Variants in TSC22D1 observed in about 807,000 individuals in gnomAD.
The protein encoded by TSC22D1 is TSC22 domain family protein 1.
In TSC22D1, 9 loss-of-function variants were observed where a neutral mutation model predicts 74.2. The observed-to-expected ratio is 0.12, with a 90% CI of 0.07 to 0.21. TSC22D1 has a LOEUF of 0.21. TSC22D1 is among the 10% of genes least tolerant of loss of function. TSC22D1 has a pLI of 1.00. For synonymous variants in TSC22D1, 586 were observed against 492.5 expected, an observed-to-expected ratio of 1.19 and a Z score of -2.51; for missense variants, 1,427 against 1,304.7, an observed-to-expected ratio of 1.09 and a Z score of -1.44.
intron 1 of TSC22D1, among the ~76,000 whole-genome samples, chr13:44,464,154 T>C (rs1300821124): frequency 6.6e-6 from 1 of 152,236 alleles, no homozygotes; most frequent in Non-Finnish European, 1.5e-5. Context: ...CACTGAATTT[T>C]AGGGTAACTT....
chr13:44,561,855 A>G (rs189245282), intron 1 of TSC22D1, among the ~76,000 whole-genome samples: 12 of 152,224 alleles, frequency 7.9e-5, no homozygotes, highest in African/African-American at 2.9e-4. Flanking sequence ...TACAGGAGTA[A>G]TAGAAGGAAT....
At chr13:44,523,714 A>T (rs1001023364) in intron 1 of TSC22D1, among the ~76,000 whole-genome samples, 1 of 152,162 alleles carries the variant, frequency 6.6e-6, no homozygotes, top group African/African-American at 2.4e-5. Flanking sequence ...GACAACCAGA[A>T]TGGAATAGAT....
chr13:44,574,398 C>G lies in TSC22D1; in HGVS notation c.1677G>C (p.Lys559Asn), dbSNP rs1884035987. Residue 559 changes from lysine to asparagine, a missense_variant, in exon 1 of 3, where the codon AAG (lysine) becomes AAC (asparagine). Transcript: ENST00000458659. ...LQSQELSYQQ[K>N]QGLQPVPLQA... is the part of the protein sequence containing the mutation. ...GCAGAGGTACTGGCTGAAGACCTTG[C>G]TTTTGCTGATAGCTCAGTTCTTGAG... The G allele has an allele frequency of 6.2e-7, 1 of 1,614,212 alleles. No homozygotes were observed. Among genetic ancestry groups the G allele is most frequent in the African/African-American group, 1.3e-5 (1 of 75,038 alleles).
intron 1 of TSC22D1, among the ~76,000 whole-genome samples, chr13:44,508,466 T>A (rs7986749): frequency 0.077 from 11,693 of 152,140 alleles, 596 homozygotes; most frequent in African/African-American, 0.14. Flanking sequence ...ATTGTTTTTT[T>A]AAAAAAAGGA....
At chr13:44,508,887 T>C (rs75669300) in intron 1 of TSC22D1, among the ~76,000 whole-genome samples, 8 of 152,258 alleles carry the variant, frequency 5.3e-5, no homozygotes, top group African/African-American at 9.6e-5. Context: ...CCCGTGCTCA[T>C]GGGTAAGAAC....
intron 1 of TSC22D1, among the ~76,000 whole-genome samples, chr13:44,567,993 A>G (rs894963982): frequency 1.3e-5 from 2 of 152,192 alleles, no homozygotes; most frequent in Non-Finnish European, 2.9e-5. Flanking sequence ...AAGGGAAGGA[A>G]AAACAAAATA....
At position 44,434,101 on chromosome 13, in the gene TSC22D1, GTTT is replaced by G; in HGVS notation, c.*522_*524del. 2 of 1,504,092 alleles carry G rather than the reference GTTT, an allele frequency of 1.3e-6. No homozygotes were observed. The highest frequency in any genetic ancestry group is 1.8e-6 in the Non-Finnish European group (2 of 1,138,992). The allele number at this position is 1,504,092 out of a possible 1,614,324, so 93.2% of individuals were successfully genotyped here. On this transcript the variant is annotated 3_prime_UTR_variant, in exon 3 of 3. Coordinates refer to ENST00000458659, the MANE Select transcript of TSC22D1 (RefSeq NM_183422.4). ...GAGAAGAAAGAGGCACAGTACTATTGTTTTTTATGAATTTTGGTGACAGTTGTC... is the reference window on the plus strand; with the variant it reads ...GAGAAGAAAGAGGCACAGTACTATTGTTTATGAATTTTGGTGACAGTTGTC...
At chr13:44,468,926 G>A (rs746508634) in intron 1 of TSC22D1, among the ~76,000 whole-genome samples, 3 of 151,628 alleles carry the variant, frequency 2.0e-5, no homozygotes, top group Non-Finnish European at 4.4e-5. Flanking sequence ...TATCAATTCT[G>A]CCCTAATAAT....
intron 1 of TSC22D1, among the ~76,000 whole-genome samples, chr13:44,446,419 G>A (rs1392075108): frequency 6.6e-6 from 1 of 152,072 alleles, no homozygotes; most frequent in Non-Finnish European, 1.5e-5. Context: ...CTGTAGTGGT[G>A]TTATGCCCAC....
intron 1 of TSC22D1, among the ~76,000 whole-genome samples, chr13:44,466,983 C>T (rs9525959): frequency 0.099 from 15,074 of 151,816 alleles, 781 homozygotes; most frequent in Non-Finnish European, 0.11. Context: ...GCCAACAAAG[C>T]GAAACCCCAT....
rs778509415 is a variant in TSC22D1, at chr13:44,434,705, G to C, written c.3143C>G (p.Pro1048Arg). The C allele has an allele frequency of 6.2e-7, 1 of 1,611,920 alleles. No individual in the cohort carries two copies. Among genetic ancestry groups the C allele is most frequent in the South Asian group, 1.1e-5 (1 of 90,834 alleles). ...QFQAQLQTGSPPATTQPQGTT... is the reference protein window; with the variant it reads ...QFQAQLQTGSRPATTQPQGTT... ...GCCCTGTGGCTGGGTGGTGGCAGGG[G>C]GGGAGCCAGTCTGCAGCTGGGCCTG... The change falls in exon 3 of 3, where the codon CCC becomes CGC. Residue 1048 changes from proline to arginine, a missense_variant. Around this residue, in one of 3 missense-constraint regions of TSC22D1, gnomAD observed 63 missense variants for 50.5 expected, o/e 1.25. Transcript: ENST00000458659.
At chr13:44,485,006 G>C (rs574593118) in intron 1 of TSC22D1, among the ~76,000 whole-genome samples, 131 of 152,216 alleles carry the variant, frequency 8.6e-4, no homozygotes, top group Admixed American at 1.4e-3. Flanking sequence ...AGTGAGAACT[G>C]AAAAAGAATA....
chr13:44,534,912 A>C (rs1566158364), intron 1 of TSC22D1, among the ~76,000 whole-genome samples: 1 of 152,142 alleles, frequency 6.6e-6, no homozygotes. Context: ...CAACTTACCA[A>C]AGTACAGTAT....
chr13:44,558,064 T>C (rs189068031), intron 1 of TSC22D1, among the ~76,000 whole-genome samples: 15 of 152,278 alleles, frequency 9.9e-5, no homozygotes, highest in Admixed American at 2.6e-4. Context: ...CTCCATAAAA[T>C]AGTGACCGAA....
At chr13:44,569,375 T>C (rs1883598560) in intron 1 of TSC22D1, among the ~76,000 whole-genome samples, 1 of 152,070 alleles carries the variant, frequency 6.6e-6, no homozygotes, top group Non-Finnish European at 1.5e-5. Context: ...AATACCACAA[T>C]AATCATCTAA....
intron 1 of TSC22D1, among the ~76,000 whole-genome samples, chr13:44,439,981 G>A (rs1283825520): frequency 6.6e-6 from 1 of 152,158 alleles, no homozygotes; most frequent in Non-Finnish European, 1.5e-5. Context: ...CAGGAAAGAA[G>A]CGAAGGCACA....
chr13:44,455,101 G>A (rs1595090081), intron 1 of TSC22D1, among the ~76,000 whole-genome samples: 1 of 152,184 alleles, frequency 6.6e-6, no homozygotes, highest in East Asian at 1.9e-4. Context: ...TATACAGTAT[G>A]TGAGATAAGG....
rs762579179 is a variant in TSC22D1 at position 44,432,623 on chromosome 13, T to A, written c.*2003A>T. On this transcript the variant is annotated 3_prime_UTR_variant, in exon 3 of 3. Transcript: ENST00000458659. Reference sequence around the variant, plus strand: ...GCTATCGAACAATTCTTTTTAGGGATCTTGGATGTCCCATTCACCTCTCAA... The same window carrying A: ...GCTATCGAACAATTCTTTTTAGGGAACTTGGATGTCCCATTCACCTCTCAA... The A allele has an allele frequency of 2.0e-5, 3 of 152,126 alleles. No homozygotes were observed. The highest frequency in any genetic ancestry group is 4.4e-5 in the Non-Finnish European group (3 of 68,012). The allele number at this position is 152,126 out of a possible 1,614,324, so 9.4% of individuals were successfully genotyped here. A position where few individuals can be genotyped will look rare whatever the true frequency, so the allele number is the denominator to read the frequency against.
intron 1 of TSC22D1, among the ~76,000 whole-genome samples, chr13:44,559,938 C>G (rs1002201812): frequency 2.6e-5 from 4 of 151,866 alleles, no homozygotes; most frequent in African/African-American, 9.7e-5. Flanking sequence ...GTGATCCGCC[C>G]GCCTTGGCCT....
Sources: allele counts gnomAD v4.1 joint callset (sites outside exome capture counted in the v4.1 genomes callset), GRCh38; gene constraint gnomAD v4.1.1; regional missense constraint gnomAD v4.1.1; transcripts MANE v1.5; gene names NCBI Gene and HGNC (gene_info 2026-07-23, HGNC 2026-07-21).